MSTO1: variants seen among roughly 807,000 people sequenced by gnomAD.
MSTO1 encodes the protein misato mitochondrial distribution and morphology regulator 1, also known as protein misato homolog 1.
MSTO1 carries 24 observed loss-of-function variants against 55.7 expected under a neutral mutation model. The ratio of observed to expected loss-of-function variants is 0.43; its 90% CI spans 0.31 to 0.61. The LOEUF (loss-of-function observed/expected upper bound fraction) is 0.61. Among genes scored for constraint, MSTO1 ranks in the 20% least tolerant of loss-of-function variants. The pLI is 0.09. For synonymous variants in MSTO1, 162 were observed against 252.8 expected, an observed-to-expected ratio of 0.64 and a Z score of 3.41; for missense variants, 363 against 625.7, an observed-to-expected ratio of 0.58 and a Z score of 4.48.
the MSTO1 span, among the ~76,000 whole-genome samples, chr1:155,578,334 T>G: frequency 8.7e-6 from 1 of 115,096 alleles, no homozygotes; most frequent in Non-Finnish European, 1.8e-5. Flanking sequence ...ATAACTACCT[T>G]TCTTTTTTTT....
upstream of MSTO1, among the ~76,000 whole-genome samples, chr1:155,609,579 G>C (rs1431225855): frequency 2.6e-5 from 4 of 152,212 alleles, no homozygotes; most frequent in East Asian, 7.7e-4. Flanking sequence ...CAGTGGTGGC[G>C]TATTCATACA....
chr1:155,586,204 CT>C, the MSTO1 span, among the ~76,000 whole-genome samples: 2,956 of 127,024 alleles, frequency 0.023, 67 homozygotes, highest in African/African-American at 0.075. Context: ...CTCTCTCTGT[CT>C]TTTTTTTTTT....
chr1:155,602,272 A>T, the MSTO1 span: 2 of 332,880 alleles, frequency 6.0e-6, no homozygotes, highest in African/African-American at 4.5e-5. Context: ...TGAGGTCGGA[A>T]GTTCGAAACC....
the MSTO1 span, among the ~76,000 whole-genome samples, chr1:155,568,616 T>C: frequency 1.3e-5 from 2 of 151,406 alleles, no homozygotes; most frequent in Non-Finnish European, 1.5e-5. Context: ...TTTTTTGTGT[T>C]TTTAGTAGAG....
the MSTO1 span, among the ~76,000 whole-genome samples, chr1:155,587,226 G>C: frequency 6.6e-6 from 1 of 151,884 alleles, no homozygotes; most frequent in Non-Finnish European, 1.5e-5. Context: ...AGGATCACCT[G>C]AGGTAGGAGT....
the MSTO1 span, among the ~76,000 whole-genome samples, chr1:155,568,827 TTTTTTC>T: frequency 0.52 from 73,383 of 141,266 alleles, 20,893 homozygotes; most frequent in Non-Finnish European, 0.66. Flanking sequence ...CCCCCGGCCT[TTTTTTC>T]TTTTTCTTTT....
chr1:155,603,895 T>G, the MSTO1 span, among the ~76,000 whole-genome samples: 1 of 151,850 alleles, frequency 6.6e-6, no homozygotes, highest in East Asian at 1.9e-4. Context: ...AACAACAACT[T>G]TTTTTTTGGT....
chr1:155,612,519 C>T lies in MSTO1; in HGVS notation c.915C>T (p.Ser305=). The T allele has an allele frequency of 2.5e-6, 4 of 1,613,660 alleles. No individual in the cohort carries two copies. Among genetic ancestry groups the T allele is most frequent in the Non-Finnish European group, 3.4e-6 (4 of 1,179,968 alleles). ...SLVCPLSLGG[S]LGLRPEPPVS... Reference sequence around the variant, plus strand: ...TCTGCCCCTTGTCCTTGGGTGGGAGCCTGGGCCTGCGACCCGAGCCACCTG... The same window carrying T: ...TCTGCCCCTTGTCCTTGGGTGGGAGTCTGGGCCTGCGACCCGAGCCACCTG... The change falls in exon 9 of 14, where the codon AGC becomes AGT. Residue 305 remains serine, a synonymous_variant. Transcript: ENST00000245564.
chr1:155,584,903 G>T, the MSTO1 span, among the ~76,000 whole-genome samples: 1 of 139,412 alleles, frequency 7.2e-6, no homozygotes, highest in African/African-American at 2.6e-5. Flanking sequence ...ACAGTGCCAG[G>T]TTTTTTTTTT....
the MSTO1 span, among the ~76,000 whole-genome samples, chr1:155,601,632 T>TA: frequency 1.3e-5 from 2 of 151,280 alleles, no homozygotes; most frequent in East Asian, 1.9e-4. Context: ...TCTCAAAAAA[T>TA]AAAAAAAAGA....
the MSTO1 span, among the ~76,000 whole-genome samples, chr1:155,587,623 A>AG: frequency 6.6e-6 from 1 of 151,652 alleles, no homozygotes. Context: ...GGGCGCCTAT[A>AG]GTCCCAGCTA....
the MSTO1 span, among the ~76,000 whole-genome samples, chr1:155,600,835 C>T: frequency 1.3e-5 from 2 of 152,032 alleles, no homozygotes; most frequent in African/African-American, 4.8e-5. Flanking sequence ...TGCCACCACG[C>T]CCGGCTAATT....
chr1:155,563,596 ATG>A, the MSTO1 span: 1 of 456,430 alleles, frequency 2.2e-6, no homozygotes, highest in South Asian at 1.5e-5. Flanking sequence ...TTACTCATGG[ATG>A]GTACTTCTTC....
At chr1:155,586,049 T>C in the MSTO1 span, among the ~76,000 whole-genome samples, 1 of 152,206 alleles carries the variant, frequency 6.6e-6, no homozygotes, top group Non-Finnish European at 1.5e-5. Context: ...AGTATTCCAT[T>C]CTATGACTGT....
chr1:155,601,515 A>G, the MSTO1 span, among the ~76,000 whole-genome samples: 1 of 152,084 alleles, frequency 6.6e-6, no homozygotes, highest in Non-Finnish European at 1.5e-5. Flanking sequence ...TTCACCAGCA[A>G]TTTGAGAGGC....
intron 7 of MSTO1, 33 bp from the exon 8 acceptor site, chr1:155,612,149 G>C (rs758334158): frequency 1.2e-6 from 2 of 1,613,638 alleles, no homozygotes; most frequent in South Asian, 1.1e-5. Context: ...TTCTCATCCT[G>C]CTAACTATCT....
chr1:155,612,132 G>T (rs1558263096), intron 7 of MSTO1, 32 bp downstream of exon 7: 1 of 1,613,280 alleles, frequency 6.2e-7, no homozygotes, highest in East Asian at 2.2e-5. Context: ...CTCCAGGGTG[G>T]AAGCTCTTCT....
At chr1:155,597,872 C>T in the MSTO1 span, among the ~76,000 whole-genome samples, 4 of 148,976 alleles carry the variant, frequency 2.7e-5, no homozygotes, top group East Asian at 2.0e-4. Flanking sequence ...GCTGGAGTGC[C>T]GTGGCGCGAT....
At chr1:155,613,922 G>A (rs1342489506) in intron 13 of MSTO1, 137 bp from the exon 14 acceptor site, 10 of 681,518 alleles carry the variant, frequency 1.5e-5, no homozygotes, top group African/African-American at 1.8e-5. Flanking sequence ...GAGTACTGGT[G>A]TACTAAGGGG....
Sources: gnomAD v4.1 joint callset for allele counts (sites outside exome capture counted in the v4.1 genomes callset) on GRCh38, gnomAD v4.1.1 for gene constraint, MANE v1.5 for transcripts, NCBI Gene and HGNC (gene_info 2026-07-23, HGNC 2026-07-21) for gene names.